Variants in GRHL1 observed in about 807,000 individuals in gnomAD.
The protein encoded by GRHL1 is grainyhead like transcription factor 1, also known as grainyhead-like protein 1 homolog.
GRHL1 carries 38 observed loss-of-function variants against 75.7 expected under a neutral mutation model. The ratio of observed to expected loss-of-function variants is 0.50; its 90% CI spans 0.39 to 0.66. The LOEUF is 0.66. Ranked by LOEUF, GRHL1 falls within the 30% of genes least tolerant of loss-of-function variation. The pLI, the probability that GRHL1 is intolerant of heterozygous loss-of-function variation, is 0.00. For missense variants in GRHL1, 589 were observed against 767.5 expected, an observed-to-expected ratio of 0.77 and a Z score of 2.75; for synonymous variants, 266 against 279.4, an observed-to-expected ratio of 0.95 and a Z score of 0.48.
chr2:9,996,320 G>A lies in GRHL1; in HGVS notation c.1596G>A (p.Leu532=). 1 of 1,608,230 alleles carries A rather than the reference G, an allele frequency of 6.2e-7. No homozygotes were observed. The highest frequency in any genetic ancestry group is 8.5e-7 in the Non-Finnish European group (1 of 1,174,798). The change falls in exon 14 of 16, where the codon CTG becomes CTA. Residue 532 remains leucine (L), a synonymous_variant. Transcript: ENST00000324907. ...LARIEEPKRV[L]LYVRKESEEV... is the part of the protein sequence containing the mutation. ...TCCTGGTTGGGGATTGATTAGTGCTGCTCTACGTTCGAAAGGAGTCAGAAG... is the reference window on the plus strand; with the variant it reads ...TCCTGGTTGGGGATTGATTAGTGCTACTCTACGTTCGAAAGGAGTCAGAAG...
rs1258775219 is a variant in GRHL1, at chr2:10,001,889, TTTGA to T, written c.*1185_*1188del. On this transcript the variant is annotated 3_prime_UTR_variant, in exon 16 of 16. Transcript: ENST00000324907. ...TTATCACGCATCAGAGCCTTCGTGCTTTGATTATCTTGTATGTTAACAATTCTAG... is the reference window on the plus strand; with the variant it reads ...TTATCACGCATCAGAGCCTTCGTGCTTTATCTTGTATGTTAACAATTCTAG... 4 of 152,634 alleles carry T rather than the reference TTTGA, an allele frequency of 2.6e-5. No individual in the cohort carries two copies. Among genetic ancestry groups the T allele is most frequent in the African/African-American group, 4.8e-5 (2 of 41,468 alleles). The allele number at this position is 152,634 out of a possible 1,614,324, so 9.5% of individuals were successfully genotyped here.
intron 8 of GRHL1, among the ~76,000 whole-genome samples, chr2:9,984,069 G>T (rs1237309160): frequency 6.6e-6 from 1 of 152,140 alleles, no homozygotes; most frequent in Admixed American, 6.5e-5. Flanking sequence ...CAGGAGAATC[G>T]CTTGAACCCG....
At chr2:9,952,275 G>A (rs1285716654) in intron 1 of GRHL1, among the ~76,000 whole-genome samples, 1 of 152,172 alleles carries the variant, frequency 6.6e-6, no homozygotes, top group Non-Finnish European at 1.5e-5. Context: ...GCGCCGCGTC[G>A]GGACAGGTGG....
intron 2 of GRHL1, among the ~76,000 whole-genome samples, chr2:9,955,761 G>A (rs1191424911): frequency 3.3e-5 from 5 of 152,230 alleles, no homozygotes; most frequent in Non-Finnish European, 7.3e-5. Context: ...TCACAGCTAG[G>A]ATGTGTGCAT....
chr2:9,955,900 T>C (rs184799433), intron 2 of GRHL1, among the ~76,000 whole-genome samples: 62 of 152,330 alleles, frequency 4.1e-4, no homozygotes, highest in Non-Finnish European at 6.3e-4. Flanking sequence ...GGTGGCTACG[T>C]CTTTAGGGTG....
intron 7 of GRHL1, 152 bp from the exon 8 acceptor site, chr2:9,965,135 G>T: frequency 1.9e-6 from 1 of 526,574 alleles, no homozygotes; most frequent in South Asian, 3.2e-5. Flanking sequence ...CTTTTTCTTC[G>T]TATTTTGAAC....
chr2:9,962,631 C>A, intron 5 of GRHL1, 100 bp downstream of exon 5: 1 of 728,360 alleles, frequency 1.4e-6, no homozygotes, highest in South Asian at 1.5e-5. Context: ...GCAGGCTTTC[C>A]CCTTATCTTA....
chr2:9,969,715 G>A (rs1383622032), intron 8 of GRHL1, among the ~76,000 whole-genome samples: 1 of 152,152 alleles, frequency 6.6e-6, no homozygotes, highest in Admixed American at 6.6e-5. Flanking sequence ...TGGGGGTGGT[G>A]TAGGGACACC....
intron 8 of GRHL1, among the ~76,000 whole-genome samples, chr2:9,972,303 TC>T (rs1395328887): frequency 6.6e-6 from 1 of 151,566 alleles, no homozygotes; most frequent in East Asian, 1.9e-4. Context: ...ACCTTAACCC[TC>T]CTTCTCCTAG....
intron 2 of GRHL1, 57 bp downstream of exon 2, chr2:9,955,158 C>A: frequency 1.7e-6 from 2 of 1,154,866 alleles, no homozygotes; most frequent in Non-Finnish European, 2.5e-6. Context: ...CTTGATTCAG[C>A]AGCATAGAAA....
chr2:9,961,557 A>ATT, intron 4 of GRHL1, 121 bp downstream of exon 4: 3 of 853,938 alleles, frequency 3.5e-6, no homozygotes, highest in Non-Finnish European at 5.1e-6. Flanking sequence ...GGAATAAAAG[A>ATT]TTTTTTTTTT....
chr2:9,998,697 CAT>C lies in GRHL1; in HGVS notation c.1678-260_1678-259del, dbSNP rs748443607. Among the ~76,000 whole-genome samples the C allele has an allele frequency of 3.9e-3, 157 of 40,088 alleles. 15 individuals carry two copies. The highest frequency in any genetic ancestry group is 7.6e-3 in the East Asian group (13 of 1,702). 26.3% of individuals were successfully genotyped at this position (40,088 alleles called of 152,430 possible). A position where few individuals can be genotyped will look rare whatever the true frequency, so the allele number is the denominator to read the frequency against. ...ATATATATACATATATATGTACACACATATATATACATATATATGTACACACA... is the reference window on the plus strand; with the variant it reads ...ATATATATACATATATATGTACACACATATATACATATATATGTACACACA... On this transcript the variant is annotated intron_variant, in intron 14 of 15. Transcript: ENST00000324907.
At position 9,979,962 on chromosome 2, in the gene GRHL1, G is replaced by A. The variant is rs181106213; in HGVS notation, c.1111-6162G>A. ...ATTAAATTCACTTGTTAAAGTTCACGTTCCTGACTACTCTCTTTAGACTAG... is the reference window on the plus strand; with the variant it reads ...ATTAAATTCACTTGTTAAAGTTCACATTCCTGACTACTCTCTTTAGACTAG... On this transcript the variant is annotated intron_variant, in intron 8 of 15. Transcript: ENST00000324907. Among the ~76,000 whole-genome samples, 6 of 152,198 alleles carry A rather than the reference G, an allele frequency of 3.9e-5. No homozygotes were observed. In the East Asian group the frequency reaches 5.8e-4, roughly 15 times the overall value.
rs116597121 is a variant in GRHL1, at chr2:9,971,976, A to G, written c.1110+6595A>G. On this transcript the variant is annotated intron_variant, in intron 8 of 15. Coordinates refer to ENST00000324907, the MANE Select transcript of GRHL1 (RefSeq NM_198182.3). ...AGATGTAAAATAAGTACATCGAACC[A>G]TGGCAGAACTTGGAATCCACAGGTA... Among the ~76,000 whole-genome samples the G allele has an allele frequency of 5.7e-3, 875 of 152,316 alleles. 2 individuals carry two copies. Among genetic ancestry groups the G allele is most frequent in the Non-Finnish European group, 9.3e-3 (632 of 68,024 alleles).
intron 8 of GRHL1, among the ~76,000 whole-genome samples, chr2:9,983,615 C>T (rs1283040841): frequency 6.6e-6 from 1 of 152,064 alleles, no homozygotes; most frequent in Non-Finnish European, 1.5e-5. Context: ...ATATCACTTC[C>T]TGGAATCGTG....
At chr2:9,977,587 G>A (rs1447135844) in intron 8 of GRHL1, among the ~76,000 whole-genome samples, 4 of 152,218 alleles carry the variant, frequency 2.6e-5, no homozygotes, top group Non-Finnish European at 4.4e-5. Context: ...CTCCCAAAGT[G>A]CTGGGATTAA....
At chr2:9,984,980 A>G (rs1668354752) in intron 8 of GRHL1, among the ~76,000 whole-genome samples, 1 of 151,712 alleles carries the variant, frequency 6.6e-6, no homozygotes, top group Non-Finnish European at 1.5e-5. Flanking sequence ...AGGTGGGAGC[A>G]TGGCTTGAAT....
At chr2:9,997,205 G>A (rs1397910287) in intron 14 of GRHL1, among the ~76,000 whole-genome samples, 1 of 152,174 alleles carries the variant, frequency 6.6e-6, no homozygotes, top group Non-Finnish European at 1.5e-5. Context: ...CTGGAGTTAT[G>A]CGCGTCAGTG....
In GRHL1 at chr2:9,998,962, T is replaced by C. The variant is rs1413227630; in HGVS notation, c.1678-3T>C. 1 of 1,537,090 alleles carries C rather than the reference T, an allele frequency of 6.5e-7. No individual in the cohort carries two copies. Among genetic ancestry groups the C allele is most frequent in the East Asian group, 2.4e-5 (1 of 42,126 alleles). ...TTGTAATTATTTTTCTTTCCTCTTT[T>C]AGATCTCAGACAAATACGATGTTCC... On this transcript the variant is annotated splice_polypyrimidine_tract_variant and splice_region_variant and intron_variant, in intron 14 of 15. Coordinates refer to ENST00000324907, the MANE Select transcript of GRHL1 (RefSeq NM_198182.3).
Sources: gnomAD v4.1 joint callset for allele counts (sites outside exome capture counted in the v4.1 genomes callset) on GRCh38, gnomAD v4.1.1 for gene constraint, MANE v1.5 for transcripts, NCBI Gene and HGNC (gene_info 2026-07-23, HGNC 2026-07-21) for gene names.